The following PTPRR variants were observed in gnomAD, a reference collection of about 807,000 sequenced individuals.
PTPRR encodes protein tyrosine phosphatase receptor type R.
A neutral mutation model predicts 77.2 loss-of-function variants in PTPRR; 38 were observed. The observed-to-expected ratio is 0.49, with a 90% CI of 0.38 to 0.65. PTPRR has a LOEUF of 0.65. PTPRR is among the 30% of genes least tolerant of loss of function. The pLI is 0.00. For synonymous variants in PTPRR, 299 were observed against 283.1 expected, an observed-to-expected ratio of 1.06 and a Z score of -0.57; for missense variants, 744 against 799.2, an observed-to-expected ratio of 0.93 and a Z score of 0.83.
At chr12:70,898,059 T>A (rs36124077) in intron 1 of PTPRR, among the ~76,000 whole-genome samples, 422 of 150,898 alleles carry the variant, frequency 2.8e-3, no homozygotes, top group African/African-American at 9.7e-3. Flanking sequence ...GCTAAATGAC[T>A]AGTTAATGGG....
chr12:70,891,411 A>G (rs1180711022), intron 2 of PTPRR, among the ~76,000 whole-genome samples: 2 of 152,136 alleles, frequency 1.3e-5, no homozygotes, highest in South Asian at 2.1e-4. Context: ...CATCATTAAC[A>G]TCATTTATCT....
At chr12:70,774,377 G>A (rs1405217243) in intron 2 of PTPRR, among the ~76,000 whole-genome samples, 1 of 152,204 alleles carries the variant, frequency 6.6e-6, no homozygotes, top group Non-Finnish European at 1.5e-5. Flanking sequence ...TGTGGAAACA[G>A]TATTACAGTT....
intron 2 of PTPRR, among the ~76,000 whole-genome samples, chr12:70,884,862 ACT>A (rs1348220031): frequency 7.8e-6 from 1 of 128,948 alleles, no homozygotes; most frequent in African/African-American, 2.7e-5. Context: ...ACAGAGCAAA[ACT>A]CTGTCTCAAA....
intron 3 of PTPRR, among the ~76,000 whole-genome samples, chr12:70,762,381 G>C (rs1890713189): frequency 6.6e-6 from 1 of 151,980 alleles, no homozygotes; most frequent in Non-Finnish European, 1.5e-5. Flanking sequence ...ACTAATAGAA[G>C]GAAATTATTC....
At chr12:70,869,428 G>A (rs942064724) in intron 2 of PTPRR, among the ~76,000 whole-genome samples, 4 of 152,150 alleles carry the variant, frequency 2.6e-5, no homozygotes, top group Admixed American at 2.6e-4. Context: ...GCTGTCCTGA[G>A]TTGCCCAAAG....
chr12:70,755,578 T>C lies in PTPRR; in HGVS notation c.628-1277A>G, dbSNP rs575072185. Among the ~76,000 whole-genome samples, 23 of 152,312 alleles carry C rather than the reference T, an allele frequency of 1.5e-4. No individual in the cohort carries two copies. The South Asian group carries it at 4.6e-3, about 30-fold the overall frequency. On this transcript the variant is annotated intron_variant, in intron 4 of 13. Coordinates refer to ENST00000283228, the MANE Select transcript of PTPRR (RefSeq NM_002849.4). ...TTATTTGGAGAAAGCCTTTATTAAA[T>C]GCTAACGTAATCAGGATTCTATTTT...
chr12:70,689,187 C>T (rs1202258506), intron 8 of PTPRR, among the ~76,000 whole-genome samples: 1 of 151,882 alleles, frequency 6.6e-6, no homozygotes, highest in East Asian at 1.9e-4. Context: ...TAAATGTTCT[C>T]ACCACAAAAA....
intron 2 of PTPRR, among the ~76,000 whole-genome samples, chr12:70,876,538 G>T (rs189419310): frequency 1.1e-4 from 16 of 152,196 alleles, no homozygotes; most frequent in Admixed American, 4.6e-4. Flanking sequence ...AAAGCCACTT[G>T]CAGAGTAAGT....
At chr12:70,840,323 G>C (rs952355516) in intron 2 of PTPRR, among the ~76,000 whole-genome samples, 1 of 152,032 alleles carries the variant, frequency 6.6e-6, no homozygotes, top group Non-Finnish European at 1.5e-5. Context: ...TTATTCTGAC[G>C]TCCTCTCCTG....
At chr12:70,830,310 G>A (rs752593614) in intron 2 of PTPRR, among the ~76,000 whole-genome samples, 1 of 152,110 alleles carries the variant, frequency 6.6e-6, no homozygotes, top group Non-Finnish European at 1.5e-5. Flanking sequence ...TCTCACTCAC[G>A]CACTCCATGT....
At chr12:70,671,445 G>T (rs933858166) in intron 10 of PTPRR, among the ~76,000 whole-genome samples, 1 of 152,002 alleles carries the variant, frequency 6.6e-6, no homozygotes, top group Non-Finnish European at 1.5e-5. Flanking sequence ...TCCCCAGAAG[G>T]TATATCTCAG....
intron 2 of PTPRR, among the ~76,000 whole-genome samples, chr12:70,863,831 T>A (rs1818096186): frequency 6.6e-6 from 1 of 152,168 alleles, no homozygotes; most frequent in Admixed American, 6.5e-5. Flanking sequence ...TCAGAACAAC[T>A]CTCTGGGAGT....
At chr12:70,647,795 C>T (rs4409890) in intron 13 of PTPRR, among the ~76,000 whole-genome samples, 9,979 of 152,010 alleles carry the variant, frequency 0.066, 489 homozygotes, top group Admixed American at 0.15. Flanking sequence ...TATACATTTA[C>T]GGTAATCTCC....
chr12:70,774,628 C>T (rs1891051551), intron 2 of PTPRR, among the ~76,000 whole-genome samples: 1 of 120,704 alleles, frequency 8.3e-6, no homozygotes, highest in South Asian at 2.4e-4. Context: ...CTGAGAAAAG[C>T]TGGATTTTGT....
At chr12:70,893,610 C>A (rs933942310) in intron 1 of PTPRR, among the ~76,000 whole-genome samples, 3 of 151,984 alleles carry the variant, frequency 2.0e-5, no homozygotes, top group Middle Eastern at 3.4e-3. Context: ...GCCATTTGAT[C>A]AAGTTATAGC....
chr12:70,766,278 C>A (rs893947812), intron 2 of PTPRR, among the ~76,000 whole-genome samples: 2 of 152,072 alleles, frequency 1.3e-5, no homozygotes, highest in African/African-American at 4.8e-5. Flanking sequence ...AAAATTTAGA[C>A]AAATGTATAA....
chr12:70,696,151 G>C (rs1312049770), intron 8 of PTPRR, among the ~76,000 whole-genome samples: 9 of 151,156 alleles, frequency 6.0e-5, no homozygotes, highest in Non-Finnish European at 1.2e-4. Flanking sequence ...TGTTTGTTTA[G>C]TCATAGAAAA....
intron 6 of PTPRR, among the ~76,000 whole-genome samples, chr12:70,723,362 T>C (rs915378991): frequency 9.2e-5 from 14 of 152,238 alleles, no homozygotes; most frequent in Non-Finnish European, 1.8e-4. Context: ...CCTTTTAAGC[T>C]ATTTTGTATG....
At chr12:70,664,695 G>A (rs935629288) in intron 10 of PTPRR, 1 of 152,110 alleles carries the variant, frequency 6.6e-6, no homozygotes, top group East Asian at 1.9e-4. Context: ...GCTTGCCGGG[G>A]GCCCTCTTGA....
Sources: gnomAD v4.1 joint callset for allele counts (sites outside exome capture counted in the v4.1 genomes callset) on GRCh38, gnomAD v4.1.1 for gene constraint, MANE v1.5 for transcripts, NCBI Gene and HGNC (gene_info 2026-07-23, HGNC 2026-07-21) for gene names.